Variants in MMP16 observed in about 807,000 individuals in gnomAD.
MMP16 encodes the protein matrix metallopeptidase 16.
MMP16 carries 12 observed loss-of-function variants against 67.8 expected under a neutral mutation model. The ratio of observed to expected loss-of-function variants is 0.18; its 90% CI spans 0.11 to 0.29. The LOEUF is 0.29. Among genes scored for constraint, MMP16 ranks in the 10% least tolerant of loss-of-function variants. The probability of loss-of-function intolerance (pLI) is 1.00; values close to 1 mark genes in which losing one functional copy is unlikely to be tolerated. For synonymous variants in MMP16, 249 were observed against 255.9 expected, an observed-to-expected ratio of 0.97 and a Z score of 0.26; for missense variants, 475 against 765.7, an observed-to-expected ratio of 0.62 and a Z score of 4.48.
At chr8:88,267,985 T>G (rs926460760) in intron 1 of MMP16, among the ~76,000 whole-genome samples, 2 of 150,996 alleles carry the variant, frequency 1.3e-5, no homozygotes, top group Admixed American at 1.3e-4. Context: ...CAAGGTTTTA[T>G]CTGTATAAAA....
At chr8:88,295,676 A>C (rs1811001032) in intron 1 of MMP16, among the ~76,000 whole-genome samples, 1 of 152,156 alleles carries the variant, frequency 6.6e-6, no homozygotes, top group Admixed American at 6.5e-5. Flanking sequence ...AAATCTAATA[A>C]ACATGGTGGT....
chr8:88,222,374 G>A (rs187224211), intron 1 of MMP16, among the ~76,000 whole-genome samples: 24 of 152,210 alleles, frequency 1.6e-4, no homozygotes, highest in African/African-American at 4.8e-4. Flanking sequence ...CCAAAAAAGA[G>A]CCTGCATTGC....
intron 4 of MMP16, among the ~76,000 whole-genome samples, chr8:88,138,548 G>A (rs1340383654): frequency 6.6e-6 from 1 of 151,918 alleles, no homozygotes; most frequent in South Asian, 2.1e-4. Flanking sequence ...CTACTCTCAC[G>A]GATCTTGGCC....
intron 1 of MMP16, among the ~76,000 whole-genome samples, chr8:88,284,711 C>T (rs1003344424): frequency 6.6e-6 from 1 of 152,164 alleles, no homozygotes; most frequent in Non-Finnish European, 1.5e-5. Context: ...CCTCTTTCTG[C>T]GCTCCAGTTT....
intron 2 of MMP16, among the ~76,000 whole-genome samples, chr8:88,191,461 T>A (rs140434929): frequency 1.8e-4 from 27 of 152,332 alleles, no homozygotes; most frequent in African/African-American, 6.3e-4. Flanking sequence ...GAAGTAGTTA[T>A]ACTGGTGGTA....
At chr8:88,254,955 T>C (rs967352445) in intron 1 of MMP16, among the ~76,000 whole-genome samples, 1 of 152,212 alleles carries the variant, frequency 6.6e-6, no homozygotes, top group Admixed American at 6.5e-5. Context: ...AAGAACTATC[T>C]GTATGTATTA....
At chr8:88,063,037 G>A (rs1808420637) in intron 7 of MMP16, among the ~76,000 whole-genome samples, 1 of 152,016 alleles carries the variant, frequency 6.6e-6, no homozygotes, top group African/African-American at 2.4e-5. Context: ...GGAGCAAGTG[G>A]AAAAAACTAG....
intron 1 of MMP16, among the ~76,000 whole-genome samples, chr8:88,293,055 A>G (rs1377593137): frequency 6.6e-6 from 1 of 152,194 alleles, no homozygotes; most frequent in Non-Finnish European, 1.5e-5. Flanking sequence ...CAATGAACAC[A>G]GATGTGAAAA....
intron 1 of MMP16, among the ~76,000 whole-genome samples, chr8:88,233,073 T>C (rs1586217738): frequency 1.3e-5 from 2 of 152,146 alleles, no homozygotes; most frequent in African/African-American, 2.4e-5. Context: ...AGATTTTTCA[T>C]CTGTTACATA....
chr8:88,198,818 A>G (rs1809297050), intron 1 of MMP16, among the ~76,000 whole-genome samples: 1 of 152,054 alleles, frequency 6.6e-6, no homozygotes. Context: ...TGTACCATAT[A>G]GTAAAAGCAT....
chr8:88,095,087 C>T (rs543350488), intron 6 of MMP16, among the ~76,000 whole-genome samples: 1 of 151,902 alleles, frequency 6.6e-6, no homozygotes, highest in Admixed American at 6.6e-5. Context: ...ATACAAGGCA[C>T]CGCTCTACAG....
chr8:88,252,485 T>C (rs1214731023), intron 1 of MMP16, among the ~76,000 whole-genome samples: 1 of 151,976 alleles, frequency 6.6e-6, no homozygotes, highest in African/African-American at 2.4e-5. Flanking sequence ...GAACTATTTT[T>C]CCCAGCTTAG....
intron 4 of MMP16, among the ~76,000 whole-genome samples, chr8:88,144,883 A>T (rs2118510572): frequency 6.6e-6 from 1 of 152,182 alleles, no homozygotes. Context: ...GCTACAGAGA[A>T]GTCAGGAAGA....
chr8:88,258,088 C>T (rs190522281), intron 1 of MMP16, among the ~76,000 whole-genome samples: 1 of 151,444 alleles, frequency 6.6e-6, no homozygotes, highest in Non-Finnish European at 1.5e-5. Context: ...CTCTGTCACC[C>T]AGGCTGGAGT....
intron 6 of MMP16, among the ~76,000 whole-genome samples, chr8:88,110,369 A>C (rs946571344): frequency 6.6e-6 from 1 of 151,616 alleles, no homozygotes; most frequent in Admixed American, 6.6e-5. Flanking sequence ...GGACATTAAA[A>C]TGCAGTATTA....
intron 4 of MMP16, among the ~76,000 whole-genome samples, chr8:88,119,847 T>C (rs537472943): frequency 3.3e-5 from 5 of 152,162 alleles, no homozygotes; most frequent in African/African-American, 1.2e-4. Flanking sequence ...GGCTAATATT[T>C]CACATGAATA....
intron 4 of MMP16, among the ~76,000 whole-genome samples, chr8:88,147,259 A>C (rs2118516633): frequency 6.6e-6 from 1 of 152,152 alleles, no homozygotes; most frequent in East Asian, 1.9e-4. Context: ...TTGAAGATTT[A>C]CTATGCCCAC....
chr8:88,096,574 C>G (rs1483864360), intron 6 of MMP16, among the ~76,000 whole-genome samples: 1 of 151,504 alleles, frequency 6.6e-6, no homozygotes, highest in East Asian at 2.0e-4. Flanking sequence ...ACTTTGAAAA[C>G]AAGAAATTTA....
chr8:88,149,760 G>A (rs13278750), intron 4 of MMP16, among the ~76,000 whole-genome samples: 13 of 151,866 alleles, frequency 8.6e-5, no homozygotes, highest in African/African-American at 3.1e-4. Context: ...AAAGATGGGG[G>A]AAAAAACAGA....
Sources: allele counts gnomAD v4.1 joint callset (sites outside exome capture counted in the v4.1 genomes callset), GRCh38; gene constraint gnomAD v4.1.1; transcripts MANE v1.5; gene names NCBI Gene and HGNC (gene_info 2026-07-23, HGNC 2026-07-21).